Variants in SLC38A9 observed in about 807,000 individuals in gnomAD.
SLC38A9 encodes the protein solute carrier family 38 member 9.
SLC38A9 carries 48 observed loss-of-function variants against 62.3 expected under a neutral mutation model. That is an observed-to-expected ratio of 0.77 (90% CI 0.61 to 0.98). SLC38A9 has a LOEUF of 0.98. Among genes scored for constraint, SLC38A9 ranks in the 50% least tolerant of loss-of-function variants. The probability of loss-of-function intolerance (pLI) is 0.00; values close to 1 mark genes in which losing one functional copy is unlikely to be tolerated. For synonymous variants in SLC38A9, 204 were observed against 227.7 expected, an observed-to-expected ratio of 0.90 and a Z score of 0.94; for missense variants, 541 against 679.8, an observed-to-expected ratio of 0.80 and a Z score of 2.27.
chr5:55,704,359 G>C (rs1757033295), intron 2 of SLC38A9: 1 of 152,164 alleles, frequency 6.6e-6, no homozygotes. Context: ...AAGTTGAAAA[G>C]ATGATTGTAG....
chr5:55,688,063 G>C (rs1277308979), intron 3 of SLC38A9, among the ~76,000 whole-genome samples: 3 of 152,142 alleles, frequency 2.0e-5, no homozygotes, highest in East Asian at 3.9e-4. Context: ...CGGCTTGACT[G>C]TTGTTGGTGT....
At chr5:55,709,394 A>G (rs1437844198) in intron 2 of SLC38A9, among the ~76,000 whole-genome samples, 1 of 150,686 alleles carries the variant, frequency 6.6e-6, no homozygotes, top group Non-Finnish European at 1.5e-5. Flanking sequence ...TTTTTTTTTT[A>G]ACTTTTAAGC....
intron 3 of SLC38A9, among the ~76,000 whole-genome samples, chr5:55,681,323 A>T (rs1752968877): frequency 6.6e-6 from 1 of 152,236 alleles, no homozygotes. Flanking sequence ...TAAATTTAAG[A>T]TGATATTTAG....
At chr5:55,638,275 A>G (rs1351810780) in intron 12 of SLC38A9, among the ~76,000 whole-genome samples, 14 of 152,318 alleles carry the variant, frequency 9.2e-5, no homozygotes, top group Non-Finnish European at 2.9e-5. Flanking sequence ...GCTCAAACAC[A>G]AGCCATTAGG....
chr5:55,653,012 G>C (rs1747797251), intron 9 of SLC38A9, among the ~76,000 whole-genome samples: 1 of 152,090 alleles, frequency 6.6e-6, no homozygotes, highest in Non-Finnish European at 1.5e-5. Flanking sequence ...TGTCGCCCAG[G>C]CTGGAGTCCA....
chr5:55,688,371 G>A (rs1031361662), intron 3 of SLC38A9, among the ~76,000 whole-genome samples: 12 of 146,942 alleles, frequency 8.2e-5, no homozygotes, highest in African/African-American at 2.7e-4. Context: ...ATGAATTAGG[G>A]CATAATCTCT....
At chr5:55,652,962 T>G (rs1259362356) in intron 9 of SLC38A9, among the ~76,000 whole-genome samples, 1 of 152,142 alleles carries the variant, frequency 6.6e-6, no homozygotes, top group Non-Finnish European at 1.5e-5. Flanking sequence ...GATATTATCA[T>G]TATTTTTATT....
chr5:55,652,541 A>G lies in SLC38A9; in HGVS notation c.940T>C (p.Phe314Leu), dbSNP rs1246508457. The G allele has an allele frequency of 3.4e-5, 54 of 1,600,320 alleles. No individual in the cohort carries two copies. The East Asian group carries it at 1.2e-3, about 34-fold the overall frequency. The change falls in exon 10 of 16, where the codon TTT becomes CTT. Residue 314 changes from phenylalanine (F) to leucine (L), a missense_variant. Transcript: ENST00000396865. Reference sequence around the variant, plus strand: ...TGCTACTACTTACCTAGGATATTAAATTTTGAAAAAAATGAAGGAGACTTG... The same window carrying G: ...TGCTACTACTTACCTAGGATATTAAGTTTTGAAAAAAATGAAGGAGACTTG... ...NFKSPSFFSKFNILGTVSVLY... is the reference protein window; with the variant it reads ...NFKSPSFFSKLNILGTVSVLY...
intron 3 of SLC38A9, among the ~76,000 whole-genome samples, chr5:55,689,048 A>C (rs1180017502): frequency 3.3e-5 from 5 of 152,346 alleles, no homozygotes; most frequent in Admixed American, 2.6e-4. Context: ...TAGTGTTAGA[A>C]TAAGTATCAG....
In SLC38A9 at chr5:55,659,842, T is replaced by G. The variant is rs558615664; in HGVS notation, c.698-3068A>C. 1.7e-3 allele frequency among the ~76,000 whole-genome samples: 261 copies of G among 152,108 alleles called. 1 individual carries two copies. Among genetic ancestry groups the G allele is most frequent in the African/African-American group, 6.0e-3 (250 of 41,562 alleles). ...GTGCAGTGGCACGGTCTCCGCTCAC[T>G]GCAAGCTCCGCCCCCCAGGTTCATG... On this transcript the variant is annotated intron_variant, in intron 8 of 15. Coordinates refer to ENST00000396865, the MANE Select transcript of SLC38A9 (RefSeq NM_173514.4).
At chr5:55,668,741 A>G (rs890736431) in intron 7 of SLC38A9, among the ~76,000 whole-genome samples, 4 of 152,236 alleles carry the variant, frequency 2.6e-5, no homozygotes, top group African/African-American at 9.6e-5. Flanking sequence ...TCCCTGATCC[A>G]GAATTTGTAG....
At chr5:55,635,704 T>A in intron 12 of SLC38A9, 47 bp from the exon 13 acceptor site, 2 of 1,279,606 alleles carry the variant, frequency 1.6e-6, no homozygotes. Flanking sequence ...AACCTTGTAG[T>A]AAGTCTACCT....
chr5:55,690,940 A>G (rs1369502241), intron 3 of SLC38A9, among the ~76,000 whole-genome samples: 2 of 152,184 alleles, frequency 1.3e-5, no homozygotes, highest in Non-Finnish European at 1.5e-5. Context: ...CCTCTCTCCT[A>G]AGACCTTAAG....
Position 55,697,850 on chromosome 5 carries a change from T to C in SLC38A9, c.109A>G (p.Lys37Glu). The change falls in exon 3 of 16, where the codon AAA becomes GAA. Residue 37 changes from lysine to glutamate, a missense_variant. Physicochemically the swap from Lys to Glu is moderately conservative, Grantham distance 56 (BLOSUM62 1). Coordinates refer to ENST00000396865, the MANE Select transcript of SLC38A9 (RefSeq NM_173514.4). The part of the protein sequence containing the change: ...IQFEPSDLRS[K>E]RPFCIEPTNI... ...TGTTTTATTTTAAATGCTTACCTTT[T>C]GGATCTTAGATCCGATGGCTCAAAC... The C allele has an allele frequency of 1.3e-6, 2 of 1,553,228 alleles. No homozygotes were observed. Among genetic ancestry groups the C allele is most frequent in the Non-Finnish European group, 1.8e-6 (2 of 1,141,144 alleles).
At chr5:55,681,361 T>C (rs1162006189) in intron 3 of SLC38A9, among the ~76,000 whole-genome samples, 1 of 152,212 alleles carries the variant, frequency 6.6e-6, no homozygotes, top group South Asian at 2.1e-4. Flanking sequence ...GAAGAGTGCT[T>C]GTAAAACAAA....
chr5:55,704,876 C>T (rs1757089637), intron 2 of SLC38A9, among the ~76,000 whole-genome samples: 1 of 152,052 alleles, frequency 6.6e-6, no homozygotes, highest in African/African-American at 2.4e-5. Context: ...ACTTAAATTC[C>T]CTAAGATTCA....
intron 3 of SLC38A9, among the ~76,000 whole-genome samples, chr5:55,688,380 CTT>C (rs767493953): frequency 6.5e-5 from 8 of 123,282 alleles, no homozygotes; most frequent in Admixed American, 8.9e-5. Flanking sequence ...GGCATAATCT[CTT>C]TTTTTTTTTT....
intron 13 of SLC38A9, 64 bp downstream of exon 13, chr5:55,635,480 C>T (rs775658833): frequency 4.2e-6 from 5 of 1,184,822 alleles, no homozygotes; most frequent in East Asian, 2.4e-5. Context: ...CACTGTATCA[C>T]CCTACCTACT....
In SLC38A9 at chr5:55,652,606, G is replaced by A; in HGVS notation, c.875C>T (p.Pro292Leu). Reference protein sequence around the residue: ...EKWWDKSRTVPFYLVGLLLPL... With the variant: ...EKWWDKSRTVLFYLVGLLLPL... ...GAGGAGGAGCCCTACAAGATAAAAG[G>A]GGACTGTCCTGGACTTATCCCACCA... is the stretch of plus-strand genomic sequence containing the variant. The change falls in exon 10 of 16, where the codon CCC becomes CTC. Residue 292 changes from proline to leucine, a missense_variant. Transcript: ENST00000396865. 6.2e-7 allele frequency: 1 copy of A among 1,612,890 alleles called. No individual in the cohort carries two copies. Among genetic ancestry groups the A allele is most frequent in the Non-Finnish European group, 8.5e-7 (1 of 1,179,296 alleles).
Sources: gnomAD v4.1 joint callset for allele counts (sites outside exome capture counted in the v4.1 genomes callset) on GRCh38, gnomAD v4.1.1 for gene constraint, MANE v1.5 for transcripts, NCBI Gene and HGNC (gene_info 2026-07-23, HGNC 2026-07-21) for gene names.